Variants in AHCTF1 observed in about 807,000 individuals in gnomAD.
The protein encoded by AHCTF1 is AT-hook containing transcription factor 1, also known as protein ELYS.
In AHCTF1, 24 loss-of-function variants were observed where a neutral mutation model predicts 248.4. That is an observed-to-expected ratio of 0.10 (90% CI 0.07 to 0.14). AHCTF1 has a LOEUF of 0.14. AHCTF1 is among the 10% of genes least tolerant of loss of function. The probability of loss-of-function intolerance (pLI) is 1.00; values close to 1 mark genes in which losing one functional copy is unlikely to be tolerated. For synonymous variants in AHCTF1, 786 were observed against 929.8 expected (o/e 0.85, Z 2.81); for missense variants, 2,206 against 2,636.2 (o/e 0.84, Z 3.57).
intron 21 of AHCTF1, among the ~76,000 whole-genome samples, chr1:246,878,811 A>C (rs1253152736): frequency 6.6e-6 from 1 of 152,210 alleles, no homozygotes; most frequent in Non-Finnish European, 1.5e-5. Context: ...CATGCTCCAC[A>C]GGGCTTATAC....
intron 1 of AHCTF1, among the ~76,000 whole-genome samples, chr1:246,929,137 G>C (rs556079169): frequency 1.3e-5 from 2 of 152,182 alleles, no homozygotes; most frequent in Admixed American, 1.3e-4. Context: ...GGCTGGGTGC[G>C]GTGGTTCACG....
At chr1:246,866,885 C>T (rs987857655) in intron 26 of AHCTF1, among the ~76,000 whole-genome samples, 1 of 152,078 alleles carries the variant, frequency 6.6e-6, no homozygotes, top group Non-Finnish European at 1.5e-5. Flanking sequence ...CACTGTTCAA[C>T]AGAAGAAAGC....
At chr1:246,903,133 T>G (rs911019330) in intron 7 of AHCTF1, among the ~76,000 whole-genome samples, 2 of 152,168 alleles carry the variant, frequency 1.3e-5, no homozygotes, top group Non-Finnish European at 2.9e-5. Context: ...CTTTACTGAT[T>G]CCCTGAAACC....
At chr1:246,857,392 G>C (rs1180105721) in intron 30 of AHCTF1, among the ~76,000 whole-genome samples, 1 of 152,176 alleles carries the variant, frequency 6.6e-6, no homozygotes, top group Non-Finnish European at 1.5e-5. Context: ...GAAACCACTG[G>C]AAAGCAGAGG....
At position 246,928,300 on chromosome 1, in the gene AHCTF1, CT is replaced by C. The variant is rs1313191021; in HGVS notation, c.-8+3277del. Among the ~76,000 whole-genome samples the C allele has an allele frequency of 1.2e-4, 11 of 94,946 alleles. No individual in the cohort carries two copies. The East Asian group carries it at 2.8e-3, about 24-fold the overall frequency. 62.3% of individuals were successfully genotyped at this position (94,946 alleles called of 152,430 possible). A position where few individuals can be genotyped will look rare whatever the true frequency, so the allele number is the denominator to read the frequency against. ...CCTGGGCGACAGAGCGAGACTCCGT[CT>C]CAAAAAAAAAAAAAAAAAAAAATTA... On this transcript the variant is annotated intron_variant, in intron 1 of 35. Transcript: ENST00000648844.
At chr1:246,925,842 G>A (rs1666885126) in intron 1 of AHCTF1, among the ~76,000 whole-genome samples, 1 of 151,976 alleles carries the variant, frequency 6.6e-6, no homozygotes, top group African/African-American at 2.4e-5. Flanking sequence ...GGCTGAGGCA[G>A]GCAGACTGAC....
chr1:246,888,506 T>A lies in AHCTF1; in HGVS notation c.2156A>T (p.Asn719Ile), dbSNP rs780297258. 31 of 1,613,842 alleles carry A rather than the reference T, an allele frequency of 1.9e-5. No individual in the cohort carries two copies. The Admixed American group carries it at 5.2e-4, about 27-fold the overall frequency. The change falls in exon 18 of 36, where the codon AAT becomes ATT. Residue 719 changes from asparagine (N) to isoleucine (I), a missense_variant. This residue lies in a region of AHCTF1 where 650 missense variants were observed against 870.8 expected (regional missense o/e 0.75). Transcript: ENST00000648844. ...KFERLSRGKWNPDCLMIDGLV... is the reference protein window; with the variant it reads ...KFERLSRGKWIPDCLMIDGLV... The stretch of plus-strand genomic sequence containing the variant: ...TCCATCAATCATCAAGCAATCGGGA[T>A]TCCACTTCCCTCTGCAATCAGGGAA...
chr1:246,863,060 AATTTC>A (rs1288661573), intron 27 of AHCTF1, among the ~76,000 whole-genome samples: 3 of 152,214 alleles, frequency 2.0e-5, no homozygotes, highest in South Asian at 4.1e-4. Flanking sequence ...AAATTCCTCC[AATTTC>A]ATTTCATTTG....
At position 246,899,949 on chromosome 1, in the gene AHCTF1, TTAAC is replaced by T. The variant is rs201718431; in HGVS notation, c.1432+112_1432+115del. The T allele has an allele frequency of 8.6e-3, 8,695 of 1,016,768 alleles. 85 individuals carry two copies. Among genetic ancestry groups the T allele is most frequent in the South Asian group, 0.03 (1,781 of 59,894 alleles). The allele number at this position is 1,016,768 out of a possible 1,614,324, so 63.0% of individuals were successfully genotyped here. On this transcript the variant is annotated intron_variant, in intron 10 of 35. Transcript: ENST00000648844. ...ATTAATTTCCTAAGTTATCCATATG[TTAAC>T]TAACAGTGAGATACAAACAGATAAC...
chr1:246,908,338 AAG>A (rs1665542760), intron 4 of AHCTF1, among the ~76,000 whole-genome samples: 1 of 151,360 alleles, frequency 6.6e-6, no homozygotes, highest in Non-Finnish European at 1.5e-5. Flanking sequence ...AAAAAAAAAA[AAG>A]AGGGGTGGGG....
chr1:246,862,687 C>T (rs1012375352), intron 27 of AHCTF1, among the ~76,000 whole-genome samples: 1 of 151,562 alleles, frequency 6.6e-6, no homozygotes, highest in African/African-American at 2.4e-5. Flanking sequence ...GCATTATTTC[C>T]AACTTAAATT....
At chr1:246,887,447 T>A in intron 19 of AHCTF1, 90 bp from the exon 20 acceptor site, 1 of 1,298,566 alleles carries the variant, frequency 7.7e-7, no homozygotes, top group South Asian at 1.5e-5. Flanking sequence ...AATGTAGCAT[T>A]AAAAGAGACT....
chr1:246,917,924 A>G (rs901779437), intron 2 of AHCTF1, among the ~76,000 whole-genome samples: 5 of 152,162 alleles, frequency 3.3e-5, no homozygotes, highest in African/African-American at 1.2e-4. Context: ...GTTCTAATCC[A>G]AACTCATCAC....
intron 14 of AHCTF1, among the ~76,000 whole-genome samples, chr1:246,894,147 T>A (rs1302521402): frequency 6.6e-6 from 1 of 152,132 alleles, no homozygotes; most frequent in Non-Finnish European, 1.5e-5. Flanking sequence ...AAGGCTGCAC[T>A]GAGCCATGAA....
chr1:246,898,100 C>T (rs956909058), intron 12 of AHCTF1, 108 bp downstream of exon 12: 100 of 1,472,364 alleles, frequency 6.8e-5, no homozygotes, highest in Non-Finnish European at 8.8e-5. Context: ...GTCAGCATTA[C>T]ACTACTTCAC....
chr1:246,895,397 A>T (rs1257968813), intron 13 of AHCTF1, among the ~76,000 whole-genome samples: 1 of 152,220 alleles, frequency 6.6e-6, no homozygotes, highest in African/African-American at 2.4e-5. Context: ...CTGAACAGAC[A>T]ATATGCGTTT....
intron 1 of AHCTF1, among the ~76,000 whole-genome samples, chr1:246,930,903 G>C (rs564444203): frequency 6.6e-6 from 1 of 152,212 alleles, no homozygotes; most frequent in South Asian, 2.1e-4. Context: ...TATGAACCTC[G>C]TAAGCTTTGA....
Position 246,894,764 on chromosome 1 carries a change from A to C in AHCTF1, c.1715-16T>G, listed in dbSNP as rs1358869417. The C allele has an allele frequency of 8.8e-6, 14 of 1,597,182 alleles. No individual in the cohort carries two copies. Among genetic ancestry groups the C allele is most frequent in the African/African-American group, 1.3e-5 (1 of 74,478 alleles). On this transcript the variant is annotated splice_polypyrimidine_tract_variant and intron_variant, in intron 13 of 35. Coordinates refer to ENST00000648844, the MANE Select transcript of AHCTF1 (RefSeq NM_001323342.2). Reference sequence around the variant, plus strand: ...TTTGGTTGTTCTTATTTGTAAATACAAAAGGGAAAAAATAAAGATTATTAA... The same window carrying C: ...TTTGGTTGTTCTTATTTGTAAATACCAAAGGGAAAAAATAAAGATTATTAA...
rs201767677 is a variant in AHCTF1 at position 246,894,400 on chromosome 1, G to A, written c.1804+259C>T. On this transcript the variant is annotated intron_variant, in intron 14 of 35. Coordinates refer to ENST00000648844, the MANE Select transcript of AHCTF1 (RefSeq NM_001323342.2). Reference sequence around the variant, plus strand: ...ATCCTGGCTAACACGGTGAAACCCCGTCTCTACTAAAAAATACAAAAAAAT... The same window carrying A: ...ATCCTGGCTAACACGGTGAAACCCCATCTCTACTAAAAAATACAAAAAAAT... 2.3e-4 allele frequency among the ~76,000 whole-genome samples: 35 copies of A among 152,126 alleles called. No homozygotes were observed. The East Asian group carries it at 2.5e-3, about 11-fold the overall frequency.
Sources: gnomAD v4.1 joint callset for allele counts (sites outside exome capture counted in the v4.1 genomes callset) on GRCh38, gnomAD v4.1.1 for gene constraint, gnomAD v4.1.1 regional missense constraint, MANE v1.5 for transcripts, NCBI Gene and HGNC (gene_info 2026-07-23, HGNC 2026-07-21) for gene names.